Variants in N4BP1 observed in about 807,000 individuals in gnomAD.
The protein encoded by N4BP1 is NEDD4-binding protein 1.
A neutral mutation model predicts 70.9 loss-of-function variants in N4BP1; 21 were observed. The observed-to-expected ratio is 0.30, with a 90% CI of 0.21 to 0.43. The LOEUF (loss-of-function observed/expected upper bound fraction) is 0.43, where lower values mean the gene tolerates loss of function less well. N4BP1 is among the 20% of genes least tolerant of loss of function. The probability of loss-of-function intolerance (pLI) is 1.00; values close to 1 mark genes in which losing one functional copy is unlikely to be tolerated. For synonymous variants in N4BP1, 387 were observed against 394.6 expected (o/e 0.98, Z 0.23); for missense variants, 936 against 1,069.4 (o/e 0.88, Z 1.74).
At position 48,561,974 on chromosome 16, in the gene N4BP1, C is replaced by A. The variant is rs941027749; in HGVS notation, c.669G>T (p.Leu223=). ...TEFTQNAATG[L]NISRDETVLQ... ...AAACAGTTTCATCTCTAGAAATATT[C>A]AGCCCTGTGGCAGCATTCTGTGTAA... Residue 223 remains leucine, a synonymous_variant, in exon 2 of 7, where the codon CTG becomes CTT. Coordinates refer to ENST00000262384, the MANE Select transcript of N4BP1 (RefSeq NM_153029.4). 2.5e-6 allele frequency: 4 copies of A among 1,613,846 alleles called. No individual in the cohort carries two copies. Among genetic ancestry groups the A allele is most frequent in the Non-Finnish European group, 3.4e-6 (4 of 1,179,890 alleles).
In N4BP1 at chr16:48,539,624, G is replaced by A. The variant is rs1017474897; in HGVS notation, c.*3280C>T. On this transcript the variant is annotated 3_prime_UTR_variant, in exon 7 of 7. Coordinates refer to ENST00000262384, the MANE Select transcript of N4BP1 (RefSeq NM_153029.4). ...GGAATGCGCTCATTTGCAGATTCCC[G>A]GGCCTTCCTCCAGAACTACTGGGCA... 2.0e-5 allele frequency: 3 copies of A among 152,266 alleles called. No homozygotes were observed. Among genetic ancestry groups the A allele is most frequent in the Admixed American group, 6.5e-5 (1 of 15,280 alleles). The allele number at this position is 152,266 out of a possible 1,614,324, so 9.4% of individuals were successfully genotyped here.
chr16:48,607,862 T>C (rs1302304926), intron 1 of N4BP1, among the ~76,000 whole-genome samples: 1 of 63,120 alleles, frequency 1.6e-5, no homozygotes, highest in Non-Finnish European at 3.1e-5. Flanking sequence ...GCTTTCTGAT[T>C]TGTTTTGTTT....
At chr16:48,589,083 T>C (rs1476043846) in intron 1 of N4BP1, among the ~76,000 whole-genome samples, 1 of 152,202 alleles carries the variant, frequency 6.6e-6, no homozygotes, top group East Asian at 1.9e-4. Flanking sequence ...CCAGTATAGA[T>C]ACAGATGATT....
chr16:48,596,729 A>C (rs1176400730), intron 1 of N4BP1, among the ~76,000 whole-genome samples: 3 of 152,214 alleles, frequency 2.0e-5, no homozygotes, highest in Non-Finnish European at 4.4e-5. Flanking sequence ...TCTGAAACAA[A>C]ACTGATAATA....
Position 48,561,395 on chromosome 16 carries a change from G to A in N4BP1, c.1248C>T (p.Ser416=). The change falls in exon 2 of 7, where the codon AGC becomes AGT. Residue 416 remains serine, a synonymous_variant. Transcript: ENST00000262384. ...AATCAGTTGTAAGCTCATTTGTGCT[G>A]CTATAAACACCTTTATTTTTGGTTT... The part of the protein sequence containing the change: ...TNKTKNKGVY[S]STNELTTDST... The A allele has an allele frequency of 6.2e-7, 1 of 1,613,880 alleles. No individual in the cohort carries two copies. The highest frequency in any genetic ancestry group is 2.2e-5 in the East Asian group (1 of 44,876).
At chr16:48,594,225 T>C (rs1367070813) in intron 1 of N4BP1, among the ~76,000 whole-genome samples, 1 of 152,212 alleles carries the variant, frequency 6.6e-6, no homozygotes, top group African/African-American at 2.4e-5. Flanking sequence ...CTATCTTCAC[T>C]GGATCTTGTT....
chr16:48,596,897 CTAAGA>C (rs1964422018), intron 1 of N4BP1, among the ~76,000 whole-genome samples: 1 of 152,154 alleles, frequency 6.6e-6, no homozygotes, highest in Admixed American at 6.5e-5. Context: ...GATAACAGTA[CTAAGA>C]TCAGTAGTTG....
chr16:48,555,210 TG>T (rs1197275276), intron 2 of N4BP1, among the ~76,000 whole-genome samples: 2 of 152,216 alleles, frequency 1.3e-5, no homozygotes, highest in Non-Finnish European at 2.9e-5. Flanking sequence ...CAATCCTGTA[TG>T]GTGCACGAGA....
chr16:48,609,578 G>A (rs1371536539), intron 1 of N4BP1, among the ~76,000 whole-genome samples, 197 bp downstream of exon 1: 1 of 152,226 alleles, frequency 6.6e-6, no homozygotes, highest in African/African-American at 2.4e-5. Context: ...TACAAATGGG[G>A]AAACTGAGGC....
chr16:48,604,695 T>C (rs1389331588), intron 1 of N4BP1, among the ~76,000 whole-genome samples: 1 of 152,254 alleles, frequency 6.6e-6, no homozygotes, highest in East Asian at 1.9e-4. Context: ...ATAACTGTTT[T>C]TTTAAAATAT....
chr16:48,544,703 T>C (rs1469291530), intron 6 of N4BP1, among the ~76,000 whole-genome samples: 3 of 152,206 alleles, frequency 2.0e-5, no homozygotes, highest in Admixed American at 2.0e-4. Context: ...CAGATAAATA[T>C]TGAATACTGG....
At chr16:48,601,702 T>A (rs999730231) in intron 1 of N4BP1, among the ~76,000 whole-genome samples, 2 of 121,808 alleles carry the variant, frequency 1.6e-5, no homozygotes, top group Admixed American at 1.7e-4. Flanking sequence ...AAAAAAAGGT[T>A]TTTTGTGGTT....
Position 48,562,384 on chromosome 16 carries a change from T to C in N4BP1, c.259A>G (p.Met87Val). ...TCTGCCCCAACAAAAATGCAGTGCA[T>C]GTCCTTGGGGTAACATTCTCTTTCT... ...LEERECYPKDMHCIFVGAESL... is the reference protein window; with the variant it reads ...LEERECYPKDVHCIFVGAESL... Residue 87 changes from methionine (M) to valine (V), a missense_variant, in exon 2 of 7, where the codon ATG (methionine) becomes GTG (valine). Coordinates refer to ENST00000262384, the MANE Select transcript of N4BP1 (RefSeq NM_153029.4). 1 of 1,613,816 alleles carries C rather than the reference T, an allele frequency of 6.2e-7. No homozygotes were observed. Among genetic ancestry groups the C allele is most frequent in the South Asian group, 1.1e-5 (1 of 91,060 alleles).
rs1434343795 is a variant in N4BP1, at chr16:48,562,190, C to T, written c.453G>A (p.Gln151=). Residue 151 remains glutamine, a synonymous_variant, in exon 2 of 7, where the codon CAG becomes CAA. Transcript: ENST00000262384. ...ATTCCCTTTTCACCTCTGATTCTTT[C>T]TGACTACTGGGTAGGTTCTCTTTAT... ...FENKENLPSS[Q]KESEVKREFK... The T allele has an allele frequency of 3.1e-6, 5 of 1,613,970 alleles. No homozygotes were observed. In the Admixed American group the frequency reaches 5.0e-5, roughly 16 times the overall value.
chr16:48,595,462 A>C (rs1317926023), intron 1 of N4BP1, among the ~76,000 whole-genome samples: 3 of 147,136 alleles, frequency 2.0e-5, no homozygotes, highest in Non-Finnish European at 4.4e-5. Flanking sequence ...GTCTCAAAAA[A>C]AAAAAAAAAA....
chr16:48,599,016 C>A (rs1012848461), intron 1 of N4BP1, among the ~76,000 whole-genome samples: 1 of 152,014 alleles, frequency 6.6e-6, no homozygotes, highest in Non-Finnish European at 1.5e-5. Context: ...GAAACACTTC[C>A]CCTACCTAGT....
At position 48,552,699 on chromosome 16, in the gene N4BP1, G is replaced by GAAAAAAAA. The variant is rs71134556; in HGVS notation, c.2020+832_2020+839dup. 9.2e-4 allele frequency among the ~76,000 whole-genome samples: 17 copies of GAAAAAAAA among 18,506 alleles called. 4 individuals are homozygous for GAAAAAAAA. Among genetic ancestry groups the GAAAAAAAA allele is most frequent in the African/African-American group, 1.1e-3 (9 of 7,858 alleles). 12.1% of individuals were successfully genotyped at this position (18,506 alleles called of 152,430 possible). On this transcript the variant is annotated intron_variant, in intron 3 of 6. Coordinates refer to ENST00000262384, the MANE Select transcript of N4BP1 (RefSeq NM_153029.4). ...AGCGACAGAGCGAGACTCCGTCTCA[G>GAAAAAAAA]AAAAAAAAAAAAAAAAAAAAAAAAA... is the stretch of plus-strand genomic sequence containing the variant.
intron 1 of N4BP1, among the ~76,000 whole-genome samples, chr16:48,604,863 C>A (rs960719448): frequency 6.6e-6 from 1 of 152,104 alleles, no homozygotes; most frequent in African/African-American, 2.4e-5. Context: ...TGAGCCCTAC[C>A]ATGTAACTGA....
chr16:48,571,241 A>G (rs979898271), intron 1 of N4BP1, among the ~76,000 whole-genome samples: 6 of 152,210 alleles, frequency 3.9e-5, no homozygotes, highest in Admixed American at 1.3e-4. Flanking sequence ...GGAAAAGTTG[A>G]TCATATCTCC....
Sources: allele counts gnomAD v4.1 joint callset (sites outside exome capture counted in the v4.1 genomes callset), GRCh38; gene constraint gnomAD v4.1.1; transcripts MANE v1.5; gene names NCBI Gene and HGNC (gene_info 2026-07-23, HGNC 2026-07-21).